Variants in UNC50 observed in about 807,000 individuals in gnomAD.
UNC50 encodes the protein unc-50 inner nuclear membrane RNA binding protein.
UNC50 carries 24 observed loss-of-function variants against 31.5 expected under a neutral mutation model. That is an observed-to-expected ratio of 0.76 (90% CI 0.55 to 1.07). UNC50 has a LOEUF of 1.07. UNC50 is among the 50% of genes least tolerant of loss of function. The pLI is 0.00. For synonymous variants in UNC50, 118 were observed against 114.7 expected (o/e 1.03, Z -0.18); for missense variants, 245 against 304.2 (o/e 0.81, Z 1.45).
At chr2:98,610,080 T>G (rs1220387867) in intron 2 of UNC50, 41 bp downstream of exon 2, 16 of 1,552,118 alleles carry the variant, frequency 1.0e-5, no homozygotes, top group Non-Finnish European at 1.4e-5. Flanking sequence ...CGCTGAGTGT[T>G]TCTGATTAGA....
At chr2:98,610,634 G>A (rs1405263397) in intron 2 of UNC50, 141 bp from the exon 3 acceptor site, 2 of 1,076,354 alleles carry the variant, frequency 1.9e-6, no homozygotes, top group African/African-American at 3.2e-5. Context: ...TGTGTCCCAA[G>A]GTAGTGTTCA....
chr2:98,617,690 GGGCT>G (rs1183713257), intron 5 of UNC50, among the ~76,000 whole-genome samples: 1 of 152,134 alleles, frequency 6.6e-6, no homozygotes, highest in East Asian at 1.9e-4. Context: ...TCTGAAGCCT[GGGCT>G]ACTAGTTGAG....
rs1700792980 is a variant in UNC50 at position 98,609,820 on chromosome 2, G to T, written c.61G>T (p.Asp21Tyr). 1.2e-6 allele frequency: 2 copies of T among 1,614,072 alleles called. No homozygotes were observed. Among genetic ancestry groups the T allele is most frequent in the Non-Finnish European group, 1.7e-6 (2 of 1,180,052 alleles). Residue 21 changes from aspartate (D) to tyrosine (Y), a missense_variant, in exon 2 of 6, where the codon GAT (aspartate) becomes TAT (tyrosine). Coordinates refer to ENST00000357765, the MANE Select transcript of UNC50 (RefSeq NM_014044.7). ...GGGGAACGGAGTCTTGAATTCCAGG[G>T]ATGCGGCAAGACACACAGCCGGAGC... Reference protein sequence around the residue: ...VQGNGVLNSRDAARHTAGAKR... With the variant: ...VQGNGVLNSRYAARHTAGAKR...
At chr2:98,611,005 A>G in intron 3 of UNC50, 110 bp downstream of exon 3, 1 of 1,304,736 alleles carries the variant, frequency 7.7e-7, no homozygotes, top group Non-Finnish European at 1.0e-6. Flanking sequence ...GAGTTACTAA[A>G]TGATCAATTT....
chr2:98,615,383 C>G (rs1279500449), intron 3 of UNC50, among the ~76,000 whole-genome samples: 2 of 152,204 alleles, frequency 1.3e-5, no homozygotes, highest in Non-Finnish European at 2.9e-5. Flanking sequence ...GGTCCAAATT[C>G]AAACTTCCGC....
chr2:98,611,785 A>G (rs1445442900), intron 3 of UNC50, among the ~76,000 whole-genome samples: 2 of 152,224 alleles, frequency 1.3e-5, no homozygotes, highest in Admixed American at 6.5e-5. Flanking sequence ...AATAGAGACC[A>G]CTTCTTGATA....
In UNC50 at chr2:98,616,441, TGACA is replaced by T. The variant is rs1700922353; in HGVS notation, c.556_559del (p.Asp186HisfsTer6). 3 of 1,614,006 alleles carry T rather than the reference TGACA, an allele frequency of 1.9e-6. No individual in the cohort carries two copies. Among genetic ancestry groups the T allele is most frequent in the African/African-American group, 2.7e-5 (2 of 74,932 alleles). ...GCGTCTCTTCTGGCAGATGTTATCC[TGACA>T]GACACATTTATTGGATATTTAGTTG... is the stretch of plus-strand genomic sequence containing the variant. On this transcript the variant is annotated frameshift_variant, in exon 5 of 6. Transcript: ENST00000357765. LOFTEE classifies it high-confidence loss of function.
intron 3 of UNC50, among the ~76,000 whole-genome samples, chr2:98,612,533 C>G (rs1283792051): frequency 1.3e-5 from 2 of 152,046 alleles, no homozygotes; most frequent in African/African-American, 2.4e-5. Context: ...CCTCAGCCTT[C>G]TGAGTAGCTG....
At chr2:98,614,149 A>T (rs1700882410) in intron 3 of UNC50, among the ~76,000 whole-genome samples, 1 of 152,228 alleles carries the variant, frequency 6.6e-6, no homozygotes, top group Non-Finnish European at 1.5e-5. Context: ...TGTCAAACTC[A>T]CACTATCTTT....
intron 5 of UNC50, among the ~76,000 whole-genome samples, chr2:98,617,690 G>C (rs1700953403): frequency 6.6e-6 from 1 of 152,134 alleles, no homozygotes; most frequent in Non-Finnish European, 1.5e-5. Flanking sequence ...TCTGAAGCCT[G>C]GGCTACTAGT....
Position 98,618,374 on chromosome 2 carries a change from GTAAA to G in UNC50, c.*75_*78del. On this transcript the variant is annotated 3_prime_UTR_variant, in exon 6 of 6. Coordinates refer to ENST00000357765, the MANE Select transcript of UNC50 (RefSeq NM_014044.7). Reference sequence around the variant, plus strand: ...GAAGTGATCATTTCTTGTAAAACTTGTAAATAAACTATCATCTTTGTAGATATCT... The same window carrying G: ...GAAGTGATCATTTCTTGTAAAACTTGTAAACTATCATCTTTGTAGATATCT... 6.9e-7 allele frequency: 1 copy of G among 1,458,610 alleles called. No homozygotes were observed. The highest frequency in any genetic ancestry group is 9.1e-7 in the Non-Finnish European group (1 of 1,097,752). 90.4% of individuals were successfully genotyped at this position (1,458,610 alleles called of 1,614,324 possible). A position where few individuals can be genotyped will look rare whatever the true frequency, so the allele number is the denominator to read the frequency against.
In UNC50 at chr2:98,609,602, G is replaced by A; in HGVS notation, c.-4-154G>A. On this transcript the variant is annotated intron_variant, in intron 1 of 5. Transcript: ENST00000357765. ...TTCCCAAGCCCCAAGACCCGCCTCAGAACTAACTGCATTTGCTTTTGACTC... is the reference window on the plus strand; with the variant it reads ...TTCCCAAGCCCCAAGACCCGCCTCAAAACTAACTGCATTTGCTTTTGACTC... The A allele has an allele frequency of 2.4e-6, 3 of 1,230,534 alleles. No individual in the cohort carries two copies. The Admixed American group carries it at 6.1e-5, about 25-fold the overall frequency. The allele number at this position is 1,230,534 out of a possible 1,614,324, so 76.2% of individuals were successfully genotyped here.
In UNC50 at chr2:98,609,929, T is replaced by G. The variant is rs748326607; in HGVS notation, c.170T>G (p.Phe57Cys). 1 of 1,614,142 alleles carries G rather than the reference T, an allele frequency of 6.2e-7. No individual in the cohort carries two copies. The highest frequency in any genetic ancestry group is 2.2e-5 in the East Asian group (1 of 44,886). The change falls in exon 2 of 6, where the codon TTC becomes TGC. Residue 57 changes from phenylalanine (F) to cysteine (C), a missense_variant. Coordinates refer to ENST00000357765, the MANE Select transcript of UNC50 (RefSeq NM_014044.7). Reference sequence around the variant, plus strand: ...GCTGCCTGGCAGATGCTCTACCTGTTCACATCCCCACAGAGAGTTTACAGA... The same window carrying G: ...GCTGCCTGGCAGATGCTCTACCTGTGCACATCCCCACAGAGAGTTTACAGA... Reference protein sequence around the residue: ...EFAAWQMLYLFTSPQRVYRNF... With the variant: ...EFAAWQMLYLCTSPQRVYRNF...
At chr2:98,616,652 G>A (rs996117341) in intron 5 of UNC50, 119 bp downstream of exon 5, 52 of 726,376 alleles carry the variant, frequency 7.2e-5, no homozygotes, top group African/African-American at 6.4e-4. Context: ...AGTATTTTAT[G>A]TGCATTATCT....
chr2:98,610,035 CTGTGGTAAG>C lies in UNC50; in HGVS notation c.280+1_280+9del. ...TCTTGGTCCTGTTAAGTATCTGGCT[CTGTGGTAAG>C]TGTGTTTATCTGAGATAGAATTGAA... On this transcript the variant is annotated splice_donor_variant and splice_donor_5th_base_variant and coding_sequence_variant and intron_variant, in exon 2 of 6. Transcript: ENST00000357765. LOFTEE classifies it high-confidence loss of function. 6.2e-7 allele frequency: 1 copy of C among 1,611,836 alleles called. No homozygotes were observed. Among genetic ancestry groups the C allele is most frequent in the Non-Finnish European group, 8.5e-7 (1 of 1,178,266 alleles).
chr2:98,609,522 A>G, intron 1 of UNC50: 1 of 609,898 alleles, frequency 1.6e-6, no homozygotes, highest in Non-Finnish European at 2.9e-6. Flanking sequence ...GATAAGTGTT[A>G]TTAGGTGATT....
rs1182270587 is a variant in UNC50, at chr2:98,608,605, C to T, written c.-126C>T. On this transcript the variant is annotated 5_prime_UTR_variant, in exon 1 of 6. Transcript: ENST00000357765. ...GCGGAAGTCGGTTCCCGTGACGCGG[C>T]GCGCCCCAAGGGCCGGCTCCGTTGA... is the stretch of plus-strand genomic sequence containing the variant. 9.9e-6 allele frequency: 6 copies of T among 604,556 alleles called. No individual in the cohort carries two copies. In the South Asian group the frequency reaches 1.2e-4, roughly 12 times the overall value. 37.4% of individuals were successfully genotyped at this position (604,556 alleles called of 1,614,324 possible).
chr2:98,612,334 C>T (rs934841593), intron 3 of UNC50, among the ~76,000 whole-genome samples: 1 of 152,098 alleles, frequency 6.6e-6, no homozygotes, highest in African/African-American at 2.4e-5. Flanking sequence ...AATTACCTGA[C>T]ACAGTTAAGT....
chr2:98,613,695 A>G (rs1160433457), intron 3 of UNC50, among the ~76,000 whole-genome samples: 1 of 152,244 alleles, frequency 6.6e-6, no homozygotes, highest in Non-Finnish European at 1.5e-5. Context: ...CAGCCAAACA[A>G]TATCAGGCAC....
Sources: gnomAD v4.1 joint callset for allele counts (sites outside exome capture counted in the v4.1 genomes callset) on GRCh38, gnomAD v4.1.1 for gene constraint, MANE v1.5 for transcripts, NCBI Gene and HGNC (gene_info 2026-07-23, HGNC 2026-07-21) for gene names.